The following FMNL3 variants were observed in gnomAD, a reference collection of about 807,000 sequenced individuals.
FMNL3 encodes the protein formin-like protein 3.
In FMNL3, 57 loss-of-function variants were observed where a neutral mutation model predicts 119.6. The ratio of observed to expected loss-of-function variants is 0.48; its 90% confidence interval spans 0.39 to 0.59. FMNL3 has a LOEUF of 0.59. Ranked by LOEUF, FMNL3 falls within the 20% of genes least tolerant of loss-of-function variation. FMNL3 has a pLI of 0.00. For missense variants in FMNL3, 1,053 were observed against 1,323.5 expected (o/e 0.80, Z 3.17); for synonymous variants, 491 against 507.3 (o/e 0.97, Z 0.43).
At chr12:49,660,805 C>T (rs1032385047) in intron 5 of FMNL3, among the ~76,000 whole-genome samples, 1 of 152,172 alleles carries the variant, frequency 6.6e-6, no homozygotes, top group African/African-American at 2.4e-5. Flanking sequence ...TAAAAACACA[C>T]AAAAAGTTAG....
At chr12:49,668,787 A>G (rs1212539528) in intron 1 of FMNL3, among the ~76,000 whole-genome samples, 2 of 152,162 alleles carry the variant, frequency 1.3e-5, no homozygotes, top group Non-Finnish European at 2.9e-5. Flanking sequence ...GTCAAAATTA[A>G]CTCTATTTTA....
At chr12:49,674,193 G>C (rs909307021) in intron 1 of FMNL3, among the ~76,000 whole-genome samples, 4 of 152,242 alleles carry the variant, frequency 2.6e-5, no homozygotes, top group African/African-American at 9.6e-5. Context: ...GTTTGGAGAA[G>C]ATAACTTGAA....
At chr12:49,698,508 T>C (rs1344330835) in intron 1 of FMNL3, among the ~76,000 whole-genome samples, 2 of 142,004 alleles carry the variant, frequency 1.4e-5, no homozygotes, top group East Asian at 2.0e-4. Flanking sequence ...GGAGGGGAGA[T>C]ACTGCTCCCC....
In FMNL3 at chr12:49,675,609, T is replaced by C. The variant is rs567280932; in HGVS notation, c.127-7055A>G. Among the ~76,000 whole-genome samples, 122 of 152,196 alleles carry C rather than the reference T, an allele frequency of 8.0e-4. 1 individual carries two copies. The highest frequency in any genetic ancestry group is 1.5e-3 in the Non-Finnish European group (102 of 68,030). On this transcript the variant is annotated intron_variant, in intron 1 of 25. Transcript: ENST00000335154. ...TCTCTCATCTATATTTGCCCTTCCA[T>C]TCCCACTGTCATCACCTGGGTGGGC...
rs1943478385 is a variant in FMNL3, at chr12:49,653,712, G to A, written c.1221+13C>T. The A allele has an allele frequency of 6.2e-7, 1 of 1,613,572 alleles. No homozygotes were observed. The highest frequency in any genetic ancestry group is 1.1e-5 in the South Asian group (1 of 91,030). Reference sequence around the variant, plus strand: ...TCAACAGTGGCTCTGGCAGGCAAAGGAAGACCACCTACATGGGACACATGC... The same window carrying A: ...TCAACAGTGGCTCTGGCAGGCAAAGAAAGACCACCTACATGGGACACATGC... On this transcript the variant is annotated intron_variant, in intron 12 of 25. Transcript: ENST00000335154.
chr12:49,684,855 T>C (rs1944418300), intron 1 of FMNL3, among the ~76,000 whole-genome samples: 1 of 152,210 alleles, frequency 6.6e-6, no homozygotes, highest in Non-Finnish European at 1.5e-5. Context: ...ATGAGGTTGA[T>C]TCTGCTGAGT....
At chr12:49,693,333 T>A (rs1944657088) in intron 1 of FMNL3, among the ~76,000 whole-genome samples, 1 of 151,998 alleles carries the variant, frequency 6.6e-6, no homozygotes, top group African/African-American at 2.4e-5. Context: ...GCAGATTACA[T>A]ATACATATAG....
intron 13 of FMNL3, among the ~76,000 whole-genome samples, chr12:49,652,497 C>A (rs1022674299): frequency 1.3e-5 from 2 of 152,192 alleles, no homozygotes; most frequent in African/African-American, 2.4e-5. Flanking sequence ...AAAGGTTGCC[C>A]CTGTGAAACT....
intron 1 of FMNL3, 73 bp from the exon 2 acceptor site, chr12:49,668,627 C>A: frequency 1.5e-6 from 2 of 1,342,662 alleles, no homozygotes; most frequent in East Asian, 2.3e-5. Flanking sequence ...AGACTGCCCA[C>A]ACCTTTCTGC....
intron 1 of FMNL3, among the ~76,000 whole-genome samples, chr12:49,690,586 T>C (rs1156990886): frequency 1.3e-5 from 2 of 152,224 alleles, no homozygotes; most frequent in African/African-American, 4.8e-5. Context: ...ACTTCTCGAA[T>C]AGCAGATGTC....
intron 5 of FMNL3, among the ~76,000 whole-genome samples, chr12:49,659,056 A>G (rs968888241): frequency 2.0e-5 from 3 of 152,258 alleles, no homozygotes; most frequent in African/African-American, 7.2e-5. Context: ...AATGCCAGCA[A>G]CCAAAGGGCC....
In FMNL3 at chr12:49,645,720, A is replaced by G. The variant is rs1429719915; in HGVS notation, c.*95T>C. The G allele has an allele frequency of 9.3e-7, 1 of 1,072,648 alleles. No individual in the cohort carries two copies. The highest frequency in any genetic ancestry group is 1.6e-5 in the African/African-American group (1 of 61,120). 66.4% of individuals were successfully genotyped at this position (1,072,648 alleles called of 1,614,324 possible). ...TGGGGCGGACATGGTTGAGAGAGCA[A>G]CACAGCCCTCTCCTGAGCCCTTGGC... On this transcript the variant is annotated 3_prime_UTR_variant, in exon 26 of 26. Coordinates refer to ENST00000335154, the MANE Select transcript of FMNL3 (RefSeq NM_175736.5).
At chr12:49,704,850 T>C (rs1198961286) in intron 1 of FMNL3, among the ~76,000 whole-genome samples, 1 of 151,936 alleles carries the variant, frequency 6.6e-6, no homozygotes, top group Non-Finnish European at 1.5e-5. Flanking sequence ...ATTTTACAGA[T>C]GAGGAAGAAG....
intron 1 of FMNL3, among the ~76,000 whole-genome samples, chr12:49,695,959 T>C (rs906857557): frequency 6.6e-6 from 1 of 151,750 alleles, no homozygotes; most frequent in Non-Finnish European, 1.5e-5. Context: ...CAGGAAAGAG[T>C]TGCTGCTTTA....
At chr12:49,706,807 G>A (rs1183426797) in intron 1 of FMNL3, among the ~76,000 whole-genome samples, 1 of 152,208 alleles carries the variant, frequency 6.6e-6, no homozygotes, top group African/African-American at 2.4e-5. Flanking sequence ...TGGTTCCTAG[G>A]ACGGTCCCGA....
At chr12:49,668,665 A>C in intron 1 of FMNL3, 111 bp from the exon 2 acceptor site, 2 of 838,054 alleles carry the variant, frequency 2.4e-6, no homozygotes, top group South Asian at 1.5e-5. Flanking sequence ...TCACCCTGAC[A>C]CTCCATCGCT....
intron 10 of FMNL3, 27 bp downstream of exon 10, chr12:49,654,883 G>A (rs748882742): frequency 6.2e-7 from 1 of 1,610,660 alleles, no homozygotes; most frequent in African/African-American, 1.3e-5. Context: ...TGGTGGGTAT[G>A]TGCTGGACCC....
chr12:49,666,835 G>A (rs560347721), intron 2 of FMNL3, among the ~76,000 whole-genome samples: 3 of 152,208 alleles, frequency 2.0e-5, no homozygotes, highest in Admixed American at 2.0e-4. Flanking sequence ...GGGAAATGCT[G>A]TTCACTGCCT....
chr12:49,689,873 T>C (rs1303422222), intron 1 of FMNL3, among the ~76,000 whole-genome samples: 1 of 152,114 alleles, frequency 6.6e-6, no homozygotes, highest in Non-Finnish European at 1.5e-5. Context: ...TTCCCTCCCA[T>C]ACAGCTCTGG....
Sources: allele counts gnomAD v4.1 joint callset (sites outside exome capture counted in the v4.1 genomes callset), GRCh38; gene constraint gnomAD v4.1.1; transcripts MANE v1.5; gene names NCBI Gene and HGNC (gene_info 2026-07-23, HGNC 2026-07-21).